HEPN1: variants seen among roughly 807,000 people sequenced by gnomAD.
HEPN1 encodes the protein hepatocellular carcinoma, down-regulated 1, also known as protein HEPN1.
For missense variants in HEPN1, 97 were observed against 103.3 expected, an observed-to-expected ratio of 0.94 and a Z score of 0.26; for synonymous variants, 46 against 41.2, an observed-to-expected ratio of 1.12 and a Z score of -0.45.
chr11:124,919,761 G>A, the HEPN1 span: 1 of 1,613,688 alleles, frequency 6.2e-7, no homozygotes, highest in Non-Finnish European at 8.5e-7. Flanking sequence ...ATGGGTAACT[G>A]GGGCCTTGGA....
chr11:124,919,468 A>C (rs1591545239), exon 1 of HEPN1: 1 of 463,498 alleles, frequency 2.2e-6, no homozygotes. Context: ...CCTAACCTTC[A>C]CCTGTGCATC....
chr11:124,920,143 T>TC lies in HEPN1; in HGVS notation c.*132dup, dbSNP rs1387553971. On this transcript the variant is annotated 3_prime_UTR_variant, in exon 1 of 1. Transcript: ENST00000408930. Reference sequence around the variant, plus strand: ...TGCTGGGAAGCAATAAGCCTCCTCCTCCCCCCACCATTTCTCTGGAGATTA... The same window carrying TC: ...TGCTGGGAAGCAATAAGCCTCCTCCTCCCCCCCACCATTTCTCTGGAGATTA... The TC allele has an allele frequency of 3.6e-6, 4 of 1,095,900 alleles. No individual in the cohort carries two copies. The African/African-American group carries it at 6.3e-5, about 17-fold the overall frequency. 67.9% of individuals were successfully genotyped at this position (1,095,900 alleles called of 1,614,324 possible). A position where few individuals can be genotyped will look rare whatever the true frequency, so the allele number is the denominator to read the frequency against.
exon 1 of HEPN1, chr11:124,920,176 T>C (rs1028662321): frequency 3.4e-5 from 31 of 924,576 alleles, no homozygotes; most frequent in Non-Finnish European, 4.6e-5. Flanking sequence ...TTAGGACTTA[T>C]TCTCACAGCT....
downstream of HEPN1, chr11:124,920,677 G>GAAAAAAAAA (rs1565336612): frequency 4.8e-4 from 52 of 108,146 alleles, 4 homozygotes; most frequent in African/African-American, 8.0e-3. Flanking sequence ...ATCTGAACTT[G>GAAAAAAAAA]CAAAAAAAAA....
chr11:124,920,496 A>C, exon 1 of HEPN1: 1 of 1,505,944 alleles, frequency 6.6e-7, no homozygotes, highest in Non-Finnish European at 8.9e-7. Context: ...AAAGGAATGT[A>C]CTCGTACCCT....
At chr11:124,919,885 T>C (rs764567897) in exon 1 of HEPN1, 2 of 1,614,174 alleles carry the variant, frequency 1.2e-6, no homozygotes, top group East Asian at 2.2e-5. Flanking sequence ...CCTCCTTCTC[T>C]TTCAGCTTTT....
exon 1 of HEPN1, chr11:124,920,208 C>G: frequency 1.1e-6 from 1 of 871,790 alleles, no homozygotes; most frequent in Non-Finnish European, 1.8e-6. Flanking sequence ...AACAACTTTC[C>G]TGAGGACAAT....
exon 1 of HEPN1, chr11:124,920,334 T>C: frequency 6.8e-7 from 1 of 1,467,178 alleles, no homozygotes; most frequent in Non-Finnish European, 9.2e-7. Flanking sequence ...TGAAATTCAC[T>C]TCTCTATAAG....
In HEPN1 at chr11:124,919,472, G is replaced by A. The variant is rs1947093793; in HGVS notation, c.-279G>A. 1 of 475,772 alleles carries A rather than the reference G, an allele frequency of 2.1e-6. No homozygotes were observed. The allele number at this position is 475,772 out of a possible 1,614,324, so 29.5% of individuals were successfully genotyped here. Reference sequence around the variant, plus strand: ...TCTCATCTCACCCTAACCTTCACCTGTGCATCTCAAGGCTGACCAGCAGGT... The same window carrying A: ...TCTCATCTCACCCTAACCTTCACCTATGCATCTCAAGGCTGACCAGCAGGT... On this transcript the variant is annotated 5_prime_UTR_variant, in exon 1 of 1. It adds an upstream start codon to the 5' untranslated region. Coordinates refer to ENST00000408930, the Ensembl canonical transcript of HEPN1.
exon 1 of HEPN1, chr11:124,920,483 G>T: frequency 6.5e-7 from 1 of 1,532,134 alleles, no homozygotes; most frequent in Non-Finnish European, 8.8e-7. Flanking sequence ...CAGGTCAGAG[G>T]GAAAAGGAAT....
chr11:124,920,171 A>C (rs1448557155), exon 1 of HEPN1: 1 of 934,590 alleles, frequency 1.1e-6, no homozygotes, highest in Non-Finnish European at 1.6e-6. Context: ...GGAGATTAGG[A>C]CTTATTCTCA....
At chr11:124,919,977 C>A in exon 1 of HEPN1, 1 of 1,613,632 alleles carries the variant, frequency 6.2e-7, no homozygotes, top group Non-Finnish European at 8.5e-7. Flanking sequence ...CATGTCCTGG[C>A]TACACAGCGG....
At chr11:124,920,408 C>T in exon 1 of HEPN1, 1 of 1,548,528 alleles carries the variant, frequency 6.5e-7, no homozygotes, top group South Asian at 1.2e-5. Context: ...CATGGCATGC[C>T]TCCGAGGGAG....
chr11:124,919,829 G>A, exon 1 of HEPN1: 1 of 1,614,152 alleles, frequency 6.2e-7, no homozygotes, highest in Non-Finnish European at 8.5e-7. Flanking sequence ...AGGGATGCAA[G>A]GACCCTTGGA....
rs920324091 is a variant in HEPN1 at position 124,920,557 on chromosome 11, C to A, written c.*540C>A. On this transcript the variant is annotated 3_prime_UTR_variant, in exon 1 of 1. Coordinates refer to ENST00000408930, the Ensembl canonical transcript of HEPN1. ...GGTACCAGGTGCCCAGGGAAGAAGGCCTTCACAATGATCCCCCCAGCTCAG... is the reference window on the plus strand; with the variant it reads ...GGTACCAGGTGCCCAGGGAAGAAGGACTTCACAATGATCCCCCCAGCTCAG... The A allele has an allele frequency of 4.4e-6, 6 of 1,356,924 alleles. No homozygotes were observed. The African/African-American group carries it at 5.9e-5, about 13-fold the overall frequency. 84.1% of individuals were successfully genotyped at this position (1,356,924 alleles called of 1,614,324 possible).
At chr11:124,920,517 C>A in exon 1 of HEPN1, 1 of 1,449,748 alleles carries the variant, frequency 6.9e-7, no homozygotes, top group Non-Finnish European at 9.2e-7. Flanking sequence ...TCCCTCACCA[C>A]CTTGTAGGTC....
chr11:124,919,873 G>A (rs1016047270), exon 1 of HEPN1: 5 of 1,614,092 alleles, frequency 3.1e-6, no homozygotes, highest in Non-Finnish European at 4.2e-6. Context: ...ATACACAGAG[G>A]GCCTCCTTCT....
chr11:124,920,184 G>A, exon 1 of HEPN1: 1 of 895,738 alleles, frequency 1.1e-6, no homozygotes, highest in Non-Finnish European at 1.7e-6. Flanking sequence ...TATTCTCACA[G>A]CTGGAGGAAG....
At position 124,919,273 on chromosome 11, in the gene HEPN1, C is replaced by G. The variant is rs1947090655; in HGVS notation, c.-478C>G. ...ATTTCATCAAAAGTTTATTGAGCAT[C>G]CAGTATGTGCTAGGCACTCTGCTGG... On this transcript the variant is annotated 5_prime_UTR_variant, in exon 1 of 1. It adds an upstream start codon to the 5' untranslated region. Transcript: ENST00000408930. 1 of 157,264 alleles carries G rather than the reference C, an allele frequency of 6.4e-6. No homozygotes were observed. Among genetic ancestry groups the G allele is most frequent in the Non-Finnish European group, 1.4e-5 (1 of 71,310 alleles). The allele number at this position is 157,264 out of a possible 1,614,324, so 9.7% of individuals were successfully genotyped here.
Sources: allele counts gnomAD v4.1 joint callset, GRCh38; gene constraint gnomAD v4.1.1; transcripts MANE v1.5; gene names NCBI Gene and HGNC (gene_info 2026-07-23, HGNC 2026-07-21).